NHEJ1: variants seen among roughly 807,000 people sequenced by gnomAD.
NHEJ1 encodes non-homologous end joining factor 1, also known as non-homologous end-joining factor 1.
NHEJ1 carries 22 observed loss-of-function variants against 39.4 expected under a neutral mutation model. The observed-to-expected ratio is 0.56, with a 90% confidence interval of 0.40 to 0.80. NHEJ1 has a LOEUF of 0.80. NHEJ1 is among the 30% of genes least tolerant of loss of function. The pLI is 0.00. For synonymous variants in NHEJ1, 154 were observed against 135.6 expected, an observed-to-expected ratio of 1.14 and a Z score of -0.94; for missense variants, 329 against 357.1, an observed-to-expected ratio of 0.92 and a Z score of 0.63.
At chr2:219,115,039 C>A (rs926041961) in intron 5 of NHEJ1, among the ~76,000 whole-genome samples, 11 of 151,946 alleles carry the variant, frequency 7.2e-5, no homozygotes, top group African/African-American at 2.7e-4. Flanking sequence ...GGGCCTCCGA[C>A]GTGTTCAATG....
chr2:219,084,503 A>C (rs1486414154), intron 5 of NHEJ1, among the ~76,000 whole-genome samples: 1 of 152,188 alleles, frequency 6.6e-6, no homozygotes, highest in Non-Finnish European at 1.5e-5. Context: ...CCCCATCACC[A>C]CACTAGCCAA....
chr2:219,145,180 A>AACAT (rs1949723976), intron 5 of NHEJ1, among the ~76,000 whole-genome samples: 3 of 152,100 alleles, frequency 2.0e-5, no homozygotes. Context: ...GTGCCATGGC[A>AACAT]CTCCAGTCTG....
chr2:219,131,136 G>C (rs1949574553), intron 5 of NHEJ1, among the ~76,000 whole-genome samples: 1 of 152,068 alleles, frequency 6.6e-6, no homozygotes, highest in Admixed American at 6.6e-5. Flanking sequence ...ATTCTAAGAT[G>C]GTGTTAGAGG....
chr2:219,157,680 A>T lies in NHEJ1; in HGVS notation c.182T>A (p.Leu61Gln). The T allele has an allele frequency of 2.5e-6, 4 of 1,612,780 alleles. No homozygotes were observed. Among genetic ancestry groups the T allele is most frequent in the Non-Finnish European group, 3.4e-6 (4 of 1,179,330 alleles). ...TSVVSQRAKE[L>Q]NKRLTAPPAA... is the part of the protein sequence containing the mutation. ...AGGAGGAGCAGTGAGCCGCTTGTTC[A>T]GCTCCTAAAGAGAGAGCAGTGGTAC... Residue 61 changes from leucine to glutamine, a missense_variant, in exon 3 of 8, where the codon CTG becomes CAG. Leu to Gln is a moderately radical substitution (Grantham distance 113, BLOSUM62 -2). Transcript: ENST00000356853.
chr2:219,143,653 T>G (rs1373691394), intron 5 of NHEJ1, among the ~76,000 whole-genome samples: 2 of 152,282 alleles, frequency 1.3e-5, no homozygotes, highest in Non-Finnish European at 2.9e-5. Flanking sequence ...TATAATAAAA[T>G]TCTACAAGTC....
At position 219,078,184 on chromosome 2, in the gene NHEJ1, A is replaced by G; in HGVS notation, c.611T>C (p.Ile204Thr). 1 of 1,614,106 alleles carries G rather than the reference A, an allele frequency of 6.2e-7. No individual in the cohort carries two copies. Residue 204 changes from isoleucine to threonine, a missense_variant, in exon 6 of 8, where the codon ATT becomes ACT. Coordinates refer to ENST00000356853, the MANE Select transcript of NHEJ1 (RefSeq NM_024782.3). ...MIEKLPEACS[I>T]GDGKPFVMNL... ...CATGACAAAGGGCTTTCCATCACCA[A>G]TGCTGCATGCCTCTGGCAGTTTCTG... is the stretch of plus-strand genomic sequence containing the variant.
At chr2:219,089,394 A>G (rs1018179658) in intron 5 of NHEJ1, among the ~76,000 whole-genome samples, 8 of 152,246 alleles carry the variant, frequency 5.3e-5, no homozygotes, top group African/African-American at 1.7e-4. Flanking sequence ...ACAATGGTAT[A>G]TTGTTCTACC....
In NHEJ1 at chr2:219,158,366, C is replaced by CA; in HGVS notation, c.1-5dup. On this transcript the variant is annotated splice_polypyrimidine_tract_variant and splice_region_variant and intron_variant, in intron 1 of 7. Transcript: ENST00000356853. ...GGCCTTGCTCCAGTTCTTCCATCTG[C>CA]AAAAAAGTCCTCATTTAGTAAAGAG... 8 of 1,613,834 alleles carry CA rather than the reference C, an allele frequency of 5.0e-6. No individual in the cohort carries two copies. Among genetic ancestry groups the CA allele is most frequent in the Non-Finnish European group, 6.8e-6 (8 of 1,179,992 alleles).
chr2:219,104,936 A>C (rs915445727), intron 5 of NHEJ1, among the ~76,000 whole-genome samples: 2 of 152,178 alleles, frequency 1.3e-5, no homozygotes, highest in Admixed American at 6.5e-5. Context: ...CCATGAAGAG[A>C]CCATGGGTAA....
chr2:219,155,992 G>T (rs1574748349), intron 3 of NHEJ1, among the ~76,000 whole-genome samples: 1 of 146,708 alleles, frequency 6.8e-6, no homozygotes, highest in African/African-American at 2.5e-5. Context: ...GCTCACACCT[G>T]TAATCCCAGC....
At chr2:219,100,149 T>C (rs1949243299) in intron 5 of NHEJ1, among the ~76,000 whole-genome samples, 1 of 152,322 alleles carries the variant, frequency 6.6e-6, no homozygotes, top group East Asian at 1.9e-4. Context: ...GGAATCACTC[T>C]GTAATTACCA....
intron 5 of NHEJ1, 38 bp from the exon 6 acceptor site, chr2:219,078,244 T>C: frequency 6.5e-7 from 1 of 1,544,110 alleles, no homozygotes. Context: ...GGTTACACTG[T>C]ATTGCTAGAG....
intron 3 of NHEJ1, among the ~76,000 whole-genome samples, chr2:219,152,779 ATTTATTTATT>A (rs1949808639): frequency 9.3e-5 from 2 of 21,454 alleles, no homozygotes; most frequent in South Asian, 1.1e-3. Context: ...TCTTTCATTT[ATTTATTTATT>A]TTTATTTATT....
chr2:219,152,789 T>TTTATTTATTTATTTATTTA (rs1949809667), intron 3 of NHEJ1, among the ~76,000 whole-genome samples: 15 of 87,736 alleles, frequency 1.7e-4, no homozygotes, highest in South Asian at 4.2e-4. Flanking sequence ...ATTTATTTAT[T>TTTATTTATTTATTTATTTA]TTTATTTATT....
Position 219,071,669 on chromosome 2 carries a change from A to G in NHEJ1, c.*4712T>C, listed in dbSNP as rs1006671167. Among the ~76,000 whole-genome samples the G allele has an allele frequency of 6.6e-6, 1 of 152,104 alleles. No individual in the cohort carries two copies. Among genetic ancestry groups the G allele is most frequent in the African/African-American group, 2.4e-5 (1 of 41,410 alleles). On this transcript the variant is annotated 3_prime_UTR_variant, in exon 8 of 8. Transcript: ENST00000356853. The stretch of plus-strand genomic sequence containing the variant: ...TGTGGCACTGCATGCTCCTTTAACT[A>G]CTGGCCCTTGGCCCAGCAGGACAAG...
At chr2:219,110,016 C>T (rs542048760) in intron 5 of NHEJ1, among the ~76,000 whole-genome samples, 2 of 152,096 alleles carry the variant, frequency 1.3e-5, no homozygotes, top group Non-Finnish European at 2.9e-5. Flanking sequence ...TGGGTATGTA[C>T]CCCCTATGAA....
At chr2:219,159,525 G>A (rs1290454540) in intron 1 of NHEJ1, among the ~76,000 whole-genome samples, 1 of 20,926 alleles carries the variant, frequency 4.8e-5, no homozygotes, top group South Asian at 2.1e-3. Flanking sequence ...ATATATATAT[G>A]CATATATATA....
intron 5 of NHEJ1, among the ~76,000 whole-genome samples, chr2:219,107,720 T>C (rs534669337): frequency 2.6e-5 from 4 of 152,152 alleles, no homozygotes; most frequent in African/African-American, 4.8e-5. Context: ...CCATACCACA[T>C]GCCCTGCTCT....
chr2:219,078,845 A>C (rs1317436423), intron 5 of NHEJ1, among the ~76,000 whole-genome samples: 2 of 152,182 alleles, frequency 1.3e-5, no homozygotes, highest in East Asian at 1.9e-4. Context: ...GGTAAAAAAA[A>C]CTGACTCTTT....
Sources: gnomAD v4.1 joint callset for allele counts (sites outside exome capture counted in the v4.1 genomes callset) on GRCh38, gnomAD v4.1.1 for gene constraint, MANE v1.5 for transcripts, NCBI Gene and HGNC (gene_info 2026-07-23, HGNC 2026-07-21) for gene names.